UGT2B15: variants seen among roughly 807,000 people sequenced by gnomAD.
UGT2B15 encodes the protein UDP-glucuronosyltransferase 2B15.
Under a neutral mutation model 45.9 loss-of-function variants are expected in UGT2B15, and 36 were observed. That is an observed-to-expected ratio of 0.78 (90% CI 0.60 to 1.04). UGT2B15 has a LOEUF of 1.04. Ranked by LOEUF, UGT2B15 falls within the 50% of genes least tolerant of loss-of-function variation. The pLI is 0.00. For missense variants in UGT2B15, 617 were observed against 622.4 expected, an observed-to-expected ratio of 0.99 and a Z score of 0.09; for synonymous variants, 219 against 216.4, an observed-to-expected ratio of 1.01 and a Z score of -0.11.
At chr4:68,659,951 A>C (rs1460051647) in intron 3 of UGT2B15, among the ~76,000 whole-genome samples, 1 of 151,312 alleles carries the variant, frequency 6.6e-6, no homozygotes, top group Non-Finnish European at 1.5e-5. Flanking sequence ...GAGTGAAGGA[A>C]TCTTTTTTTT....
At chr4:68,659,964 T>C (rs1055307644) in intron 3 of UGT2B15, among the ~76,000 whole-genome samples, 14 of 151,582 alleles carry the variant, frequency 9.2e-5, no homozygotes, top group African/African-American at 3.4e-4. Context: ...TTTTTTTTTT[T>C]GAGCTATTAA....
intron 3 of UGT2B15, among the ~76,000 whole-genome samples, chr4:68,659,330 A>G (rs943455435): frequency 2.6e-5 from 4 of 152,038 alleles, no homozygotes; most frequent in African/African-American, 9.7e-5. Context: ...CAAACAAATT[A>G]TAAATTATGA....
chr4:68,647,206 G>T lies in UGT2B15; in HGVS notation c.1491C>A (p.Phe497Leu), dbSNP rs766410441. The T allele has an allele frequency of 6.2e-7, 1 of 1,613,958 alleles. No individual in the cohort carries two copies. Among genetic ancestry groups the T allele is most frequent in the South Asian group, 1.1e-5 (1 of 91,072 alleles). ...TCACAGTTGCCACGCAGGCCAGCAG[G>T]AATGCTATCACATCCAAAGAGTGGT... ...IQYHSLDVIAFLLACVATVIF... is the reference protein window; with the variant it reads ...IQYHSLDVIALLLACVATVIF... Residue 497 changes from phenylalanine to leucine, a missense_variant, in exon 6 of 6, where the codon TTC becomes TTA. Physicochemically the swap from Phe to Leu is conservative, Grantham distance 22 (BLOSUM62 0). Transcript: ENST00000338206.
intron 3 of UGT2B15, among the ~76,000 whole-genome samples, chr4:68,655,979 G>A (rs1732791882): frequency 6.6e-6 from 1 of 152,122 alleles, no homozygotes; most frequent in African/African-American, 2.4e-5. Context: ...CTTGGTACCA[G>A]CATGAGCTAA....
chr4:68,654,905 T>C (rs1732759110), intron 4 of UGT2B15, among the ~76,000 whole-genome samples, 190 bp downstream of exon 4: 1 of 152,122 alleles, frequency 6.6e-6, no homozygotes, highest in Non-Finnish European at 1.5e-5. Flanking sequence ...TGACTGTATG[T>C]AATAAAATGC....
chr4:68,654,788 A>G (rs1732755604), intron 4 of UGT2B15, among the ~76,000 whole-genome samples: 1 of 152,034 alleles, frequency 6.6e-6, no homozygotes, highest in Non-Finnish European at 1.5e-5. Flanking sequence ...GAACAGAGGT[A>G]AAGCTGCATA....
At chr4:68,660,581 G>A (rs1343251772) in intron 3 of UGT2B15, among the ~76,000 whole-genome samples, 1 of 151,650 alleles carries the variant, frequency 6.6e-6, no homozygotes, top group Admixed American at 6.6e-5. Context: ...TTTGTCTTTA[G>A]TAAAATTGGG....
Position 68,654,157 on chromosome 4 carries a change from G to A in UGT2B15, c.1193C>T (p.Ala398Val), listed in dbSNP as rs138762595. 0.018 allele frequency: 28,669 copies of A among 1,613,430 alleles called. 434 individuals are homozygous for A. The highest frequency in any genetic ancestry group is 0.026 in the South Asian group (2,329 of 91,056). Residue 398 changes from alanine to valine, a missense_variant, in exon 5 of 6, where the codon GCG (alanine) becomes GTG (valine). By Grantham distance (64) the Ala-to-Val change is moderately conservative. Coordinates refer to ENST00000338206, the MANE Select transcript of UGT2B15 (RefSeq NM_001076.4). ...GIPMVGIPLF[A>V]DQHDNIAHMK... ...GTGAGCAATGTTATCATGTTGATCC[G>A]CAAACAAGGGAATGCCCACCATAGG...
rs371697004 is a variant in UGT2B15 at position 68,668,134 on chromosome 4, C to A, written c.779G>T (p.Arg260Leu). Residue 260 changes from arginine to leucine, a missense_variant, in exon 2 of 6, where the codon CGA (arginine) becomes CTA (leucine). Physicochemically the swap from Arg to Leu is moderately radical, Grantham distance 102. This residue lies in a region of UGT2B15 where 351 missense variants were observed against 342.1 expected (regional missense o/e 1.03). Coordinates refer to ENST00000338206, the MANE Select transcript of UGT2B15 (RefSeq NM_001076.4). ...TMGKAEMWLIRTYWDFEFPRP... is the reference protein window; with the variant it reads ...TMGKAEMWLILTYWDFEFPRP... ...AGGAAATTCAAAATCCCAATAGGTT[C>A]GAATGAGCCACATTTCAGCTTTCCC... 6 of 1,613,536 alleles carry A rather than the reference C, an allele frequency of 3.7e-6. No homozygotes were observed. The highest frequency in any genetic ancestry group is 5.1e-6 in the Non-Finnish European group (6 of 1,179,774).
intron 3 of UGT2B15, among the ~76,000 whole-genome samples, chr4:68,662,515 A>C (rs138460197): frequency 1.5e-5 from 2 of 137,272 alleles, no homozygotes; most frequent in Non-Finnish European, 3.1e-5. Context: ...CTATTCCAAT[A>C]CATGGGAAGT....
chr4:68,658,451 C>T (rs1469469902), intron 3 of UGT2B15, among the ~76,000 whole-genome samples: 2 of 152,006 alleles, frequency 1.3e-5, no homozygotes, highest in African/African-American at 4.8e-5. Context: ...TTTTTGTTTG[C>T]ATTTATTAAT....
At chr4:68,654,493 G>T (rs1329071632) in intron 4 of UGT2B15, among the ~76,000 whole-genome samples, 1 of 151,504 alleles carries the variant, frequency 6.6e-6, no homozygotes, top group Non-Finnish European at 1.5e-5. Context: ...GGGTATACAA[G>T]AACGTGGTCT....
At chr4:68,649,981 C>G (rs1430937211) in intron 5 of UGT2B15, among the ~76,000 whole-genome samples, 1 of 151,636 alleles carries the variant, frequency 6.6e-6, no homozygotes, top group African/African-American at 2.4e-5. Flanking sequence ...TATAGGTGCA[C>G]ACCACCATGC....
intron 3 of UGT2B15, among the ~76,000 whole-genome samples, chr4:68,660,225 G>C (rs1213117581): frequency 6.6e-6 from 1 of 151,060 alleles, no homozygotes; most frequent in African/African-American, 2.4e-5. Context: ...AACTTATGGA[G>C]CCAATAAAAC....
chr4:68,662,455 C>T (rs1366116757), intron 3 of UGT2B15, among the ~76,000 whole-genome samples: 1 of 147,904 alleles, frequency 6.8e-6, no homozygotes, highest in East Asian at 2.0e-4. Context: ...GCTAGTCAGA[C>T]TAGGACATTC....
chr4:68,655,772 A>G (rs1441376962), intron 3 of UGT2B15, among the ~76,000 whole-genome samples: 1 of 151,904 alleles, frequency 6.6e-6, no homozygotes, highest in Non-Finnish European at 1.5e-5. Flanking sequence ...ATAAAACCAA[A>G]CTGTCCCCCC....
chr4:68,664,278 A>AG (rs1018019307), intron 2 of UGT2B15, among the ~76,000 whole-genome samples: 3 of 149,590 alleles, frequency 2.0e-5, no homozygotes, highest in African/African-American at 4.8e-5. Flanking sequence ...AAAAAAAAAA[A>AG]AGAGAGAGAG....
At chr4:68,648,802 A>C (rs1432479516) in intron 5 of UGT2B15, among the ~76,000 whole-genome samples, 1 of 152,038 alleles carries the variant, frequency 6.6e-6, no homozygotes, top group African/African-American at 2.4e-5. Flanking sequence ...ATATAATTGA[A>C]TTAAATAATA....
chr4:68,670,351 G>T lies in UGT2B15; in HGVS notation c.268C>A (p.Leu90Ile). ...ATCCATCTATCGAGAATTTTCAGAAGAGAATCTTCCAAATAATTTTTAGTT... is the reference window on the plus strand; with the variant it reads ...ATCCATCTATCGAGAATTTTCAGAATAGAATCTTCCAAATAATTTTTAGTT... Reference protein sequence around the residue: ...SLTKNYLEDSLLKILDRWIYG... With the variant: ...SLTKNYLEDSILKILDRWIYG... The change falls in exon 1 of 6, where the codon CTT becomes ATT. Residue 90 changes from leucine (L) to isoleucine (I), a missense_variant. This residue lies in a region of UGT2B15 where 351 missense variants were observed against 342.1 expected (regional missense o/e 1.03). Transcript: ENST00000338206. 6.2e-7 allele frequency: 1 copy of T among 1,613,348 alleles called. No homozygotes were observed. Among genetic ancestry groups the T allele is most frequent in the East Asian group, 2.2e-5 (1 of 44,858 alleles).
Sources: gnomAD v4.1 joint callset for allele counts (sites outside exome capture counted in the v4.1 genomes callset) on GRCh38, gnomAD v4.1.1 for gene constraint, gnomAD v4.1.1 regional missense constraint, MANE v1.5 for transcripts, NCBI Gene and HGNC (gene_info 2026-07-23, HGNC 2026-07-21) for gene names.